BBS9: variants seen among roughly 807,000 people sequenced by gnomAD.
BBS9 encodes the protein Bardet-Biedl syndrome 9.
In BBS9, 89 loss-of-function variants were observed where a neutral mutation model predicts 117.7. That is an observed-to-expected ratio of 0.76 (90% CI 0.64 to 0.90). The LOEUF is 0.90. Among genes scored for constraint, BBS9 ranks in the 40% least tolerant of loss-of-function variants. BBS9 has a pLI of 0.00. For synonymous variants in BBS9, 379 were observed against 370.9 expected (o/e 1.02, Z -0.25); for missense variants, 982 against 1,042.2 (o/e 0.94, Z 0.80).
intron 21 of BBS9, among the ~76,000 whole-genome samples, chr7:33,590,459 G>GTTTTTTTGTTTT (rs1554551689): frequency 9.9e-6 from 1 of 101,510 alleles, no homozygotes; most frequent in African/African-American, 4.0e-5. Flanking sequence ...TTGTTTTTTT[G>GTTTTTTTGTTTT]TTTTTTTTTT....
Position 33,617,594 on chromosome 7 carries a change from A to G in BBS9, c.2522-17583A>G, listed in dbSNP as rs560326635. Among the ~76,000 whole-genome samples the G allele has an allele frequency of 2.4e-3, 366 of 151,792 alleles. 2 individuals carry two copies. The highest frequency in any genetic ancestry group is 8.5e-3 in the African/African-American group (352 of 41,368). ...AGTGCCTGAGAAATAATTCAAATTA[A>G]TCATCTTAAAGAAGCTCAGTGAACT... On this transcript the variant is annotated intron_variant, in intron 21 of 21. Coordinates refer to the BBS9 transcript ENST00000671952.
At chr7:33,245,941 T>G (rs999349202) in intron 5 of BBS9, among the ~76,000 whole-genome samples, 1 of 152,240 alleles carries the variant, frequency 6.6e-6, no homozygotes, top group East Asian at 1.9e-4. Context: ...ACTGAGGAGT[T>G]CTTTTGGATA....
intron 5 of BBS9, among the ~76,000 whole-genome samples, chr7:33,226,869 G>C (rs535536631): frequency 3.3e-5 from 5 of 152,268 alleles, no homozygotes; most frequent in Admixed American, 3.3e-4. Flanking sequence ...AAATTGAATG[G>C]TGGTTTCCAG....
rs115602563 is a variant in BBS9 at position 33,191,388 on chromosome 7, C to A, written c.442+13797C>A. Among the ~76,000 whole-genome samples, 1,300 of 152,216 alleles carry A rather than the reference C, an allele frequency of 8.5e-3. 19 individuals are homozygous for A. The highest frequency in any genetic ancestry group is 0.029 in the African/African-American group (1,185 of 41,522). ...TGGGGTCAATATATAAAGGGGTCAC[C>A]TTTAACCTGGTTCTGTAGCATTAAT... is the stretch of plus-strand genomic sequence containing the variant. On this transcript the variant is annotated intron_variant, in intron 5 of 22. Transcript: ENST00000242067.
At chr7:33,463,331 G>A (rs547627297) in intron 19 of BBS9, among the ~76,000 whole-genome samples, 31 of 152,142 alleles carry the variant, frequency 2.0e-4, no homozygotes, top group Admixed American at 1.0e-3. Flanking sequence ...AAATAGCAAA[G>A]GGAGTTTCTA....
At chr7:33,230,035 G>A (rs1459597088) in intron 5 of BBS9, among the ~76,000 whole-genome samples, 4 of 152,042 alleles carry the variant, frequency 2.6e-5, no homozygotes, top group East Asian at 1.9e-4. Context: ...TATCATATAC[G>A]TCTTGGCCAT....
At position 33,343,966 on chromosome 7, in the gene BBS9, A is replaced by G. The variant is rs562189959; in HGVS notation, c.1276-615A>G. The stretch of plus-strand genomic sequence containing the variant: ...GGGACATACAGGGAGGTCTTCTTCT[A>G]TGCAATATAAATAACAAGTTAATAG... On this transcript the variant is annotated intron_variant, in intron 11 of 22. Transcript: ENST00000242067. Among the ~76,000 whole-genome samples the G allele has an allele frequency of 3.9e-5, 6 of 152,210 alleles. 1 individual carries two copies. The South Asian group carries it at 1.2e-3, about 32-fold the overall frequency.
At chr7:33,502,294 T>C (rs531611316) in intron 19 of BBS9, among the ~76,000 whole-genome samples, 11 of 152,252 alleles carry the variant, frequency 7.2e-5, no homozygotes, top group African/African-American at 2.4e-4. Context: ...AGGGGAAGGG[T>C]AGGAAGCCTG....
At chr7:33,567,533 G>A (rs967855620) in intron 21 of BBS9, among the ~76,000 whole-genome samples, 3 of 151,996 alleles carry the variant, frequency 2.0e-5, no homozygotes, top group East Asian at 1.9e-4. Flanking sequence ...TCTTTCATGG[G>A]CCTCTCTTCT....
chr7:33,285,162 A>C (rs1302118807), intron 9 of BBS9, among the ~76,000 whole-genome samples: 1 of 152,134 alleles, frequency 6.6e-6, no homozygotes, highest in Non-Finnish European at 1.5e-5. Flanking sequence ...GGTAGTTATA[A>C]AATATGTTGC....
At chr7:33,452,168 A>G (rs897060314) in intron 19 of BBS9, among the ~76,000 whole-genome samples, 3 of 151,254 alleles carry the variant, frequency 2.0e-5, no homozygotes, top group African/African-American at 7.3e-5. Context: ...TCTTACCAAC[A>G]CAGGATATCT....
At chr7:33,253,525 T>C (rs1796552734) in intron 5 of BBS9, among the ~76,000 whole-genome samples, 1 of 152,090 alleles carries the variant, frequency 6.6e-6, no homozygotes, top group South Asian at 2.1e-4. Flanking sequence ...GGCAGGAGAA[T>C]TGCTTGAACC....
intron 21 of BBS9, among the ~76,000 whole-genome samples, chr7:33,574,982 G>T (rs1192261758): frequency 6.6e-6 from 1 of 151,950 alleles, no homozygotes; most frequent in African/African-American, 2.4e-5. Context: ...AAAAAGAAGT[G>T]ATCTTTTTAT....
intron 5 of BBS9, among the ~76,000 whole-genome samples, chr7:33,252,515 T>C (rs1171590306): frequency 1.3e-5 from 2 of 152,070 alleles, no homozygotes. Context: ...TAGGCCTAGA[T>C]TGGTATCTTA....
intron 21 of BBS9, among the ~76,000 whole-genome samples, chr7:33,614,228 G>GA (rs1865023225): frequency 6.6e-6 from 1 of 152,010 alleles, no homozygotes; most frequent in East Asian, 1.9e-4. Flanking sequence ...ACAAGAAAGT[G>GA]AAAACTTGAA....
At chr7:33,528,898 T>C (rs1850114206) in intron 20 of BBS9, among the ~76,000 whole-genome samples, 2 of 152,240 alleles carry the variant, frequency 1.3e-5, no homozygotes, top group Non-Finnish European at 2.9e-5. Context: ...CCTAGGAAAT[T>C]AACTTTACAA....
At chr7:33,352,569 T>C (rs1445625866) in intron 14 of BBS9, among the ~76,000 whole-genome samples, 1 of 152,190 alleles carries the variant, frequency 6.6e-6, no homozygotes, top group African/African-American at 2.4e-5. Flanking sequence ...GGCTAGATCA[T>C]ATATCTTTAC....
chr7:33,548,536 CCCTT>C (rs1853803912), intron 21 of BBS9, among the ~76,000 whole-genome samples: 3 of 138,030 alleles, frequency 2.2e-5, no homozygotes, highest in Non-Finnish European at 4.6e-5. Flanking sequence ...TGTGATATTC[CCCTT>C]CCTGTGTCCA....
intron 1 of BBS9, among the ~76,000 whole-genome samples, chr7:33,133,876 T>C (rs1325017457): frequency 6.6e-6 from 1 of 152,234 alleles, no homozygotes; most frequent in Non-Finnish European, 1.5e-5. Flanking sequence ...GAGGAACTTC[T>C]AGATTCCTTT....
Sources: allele counts gnomAD v4.1 joint callset (sites outside exome capture counted in the v4.1 genomes callset), GRCh38; gene constraint gnomAD v4.1.1; transcripts MANE v1.5; gene names NCBI Gene and HGNC (gene_info 2026-07-23, HGNC 2026-07-21).